The following SNED1 variants were observed in gnomAD, a reference collection of about 807,000 sequenced individuals.
SNED1 encodes sushi, nidogen and EGF like domains 1, also known as sushi, nidogen and EGF-like domain-containing protein 1.
A neutral mutation model predicts 166.7 loss-of-function variants in SNED1; 81 were observed. The observed-to-expected ratio is 0.49, with a 90% CI of 0.41 to 0.58. The LOEUF (loss-of-function observed/expected upper bound fraction) is 0.58. Among genes scored for constraint, SNED1 ranks in the 20% least tolerant of loss-of-function variants. SNED1 has a pLI of 0.00. For synonymous variants in SNED1, 762 were observed against 822.0 expected, an observed-to-expected ratio of 0.93 and a Z score of 1.25; for missense variants, 1,604 against 2,000.2, an observed-to-expected ratio of 0.80 and a Z score of 3.78.
chr2:241,018,711 C>T lies in SNED1; in HGVS notation c.214-11573C>T, dbSNP rs748374797. 5.3e-5 allele frequency among the ~76,000 whole-genome samples: 8 copies of T among 152,188 alleles called. No homozygotes were observed. Among genetic ancestry groups the T allele is most frequent in the Non-Finnish European group, 1.2e-4 (8 of 68,038 alleles). ...TCCCAGGCTGGCACCCACAGACCAC[C>T]GCAGATGAACCCAGCTAGCAGTGCC... On this transcript the variant is annotated intron_variant, in intron 1 of 31. Transcript: ENST00000310397. This position sits in a 1 kb window ranked among gnomAD's most constrained non-coding sequence, Gnocchi z 5.4.
At chr2:241,016,638 G>A (rs1210245091) in intron 1 of SNED1, among the ~76,000 whole-genome samples, 1 of 152,114 alleles carries the variant, frequency 6.6e-6, no homozygotes, top group Non-Finnish European at 1.5e-5. Context: ...TCCAGGTTAT[G>A]GTAGCCTCAT....
Position 241,068,958 on chromosome 2 carries a change from G to T in SNED1, c.3242G>T (p.Ser1081Ile). 1 of 1,556,394 alleles carries T rather than the reference G, an allele frequency of 6.4e-7. No individual in the cohort carries two copies. The highest frequency in any genetic ancestry group is 1.2e-5 in the South Asian group (1 of 84,324). The part of the protein sequence containing the change: ...KRYTIQLTTL[S>I]GLRGEEHPTE... ...TACACCATCCAGCTGACCACCCTCA[G>T]TGGGCTCAGGGGAGAGGAGCACCCC... Residue 1081 changes from serine to isoleucine, a missense_variant, in exon 23 of 32, where the codon AGT (serine) becomes ATT (isoleucine). Physicochemically the swap from Ser to Ile is moderately radical, Grantham distance 142. Around this residue, in one of 2 missense-constraint regions of SNED1, gnomAD observed 1,237 missense variants for 1,620.8 expected, o/e 0.76. Transcript: ENST00000310397. The surrounding 1 kb of genome is among the most constrained non-coding windows in gnomAD (Gnocchi z 5.3).
At chr2:241,036,680 A>C in intron 4 of SNED1, 110 bp from the exon 5 acceptor site, 1 of 1,471,370 alleles carries the variant, frequency 6.8e-7, no homozygotes, top group Non-Finnish European at 9.2e-7. Context: ...CCGGGCACCC[A>C]GAGGCCGACC....
chr2:241,087,470 A>C lies in SNED1; in HGVS notation c.4200A>C (p.Pro1400=). 6.2e-7 allele frequency: 1 copy of C among 1,601,812 alleles called. No homozygotes were observed. The highest frequency in any genetic ancestry group is 8.5e-7 in the Non-Finnish European group (1 of 1,174,108). ...SCESTSLKKT[P]NRKQSKSQTL... ...AAAGCACAAGCCTCAAGAAGACCCC[A>C]AACAGGTGCCTCTGGGGAGCAGGCC... The change falls in exon 30 of 32, where the codon CCA becomes CCC. Residue 1400 remains proline (P), a synonymous_variant. Coordinates refer to ENST00000310397, the MANE Select transcript of SNED1 (RefSeq NM_001080437.3).
intron 21 of SNED1, 84 bp downstream of exon 21, chr2:241,065,679 TCATGCCGTC>T: frequency 8.3e-7 from 1 of 1,200,148 alleles, no homozygotes; most frequent in Non-Finnish European, 1.2e-6. Context: ...AGGGCGGCTG[TCATGCCGTC>T]CACCCTCCTA....
chr2:241,062,335 T>C (rs935589132), intron 16 of SNED1, among the ~76,000 whole-genome samples: 20 of 152,142 alleles, frequency 1.3e-4, no homozygotes, highest in African/African-American at 4.8e-4. Context: ...AATTAAACTT[T>C]AAAAAAATAA....
chr2:241,023,605 AT>A (rs2060834367), intron 1 of SNED1, among the ~76,000 whole-genome samples: 1 of 152,196 alleles, frequency 6.6e-6, no homozygotes, highest in Non-Finnish European at 1.5e-5. Context: ...GAGAAGATAC[AT>A]TGAGTATCCC....
chr2:241,036,779 T>C lies in SNED1; in HGVS notation c.806-11T>C. 6.2e-7 allele frequency: 1 copy of C among 1,606,306 alleles called. No individual in the cohort carries two copies. Among genetic ancestry groups the C allele is most frequent in the South Asian group, 1.1e-5 (1 of 91,030 alleles). On this transcript the variant is annotated splice_polypyrimidine_tract_variant and intron_variant, in intron 4 of 31. Transcript: ENST00000310397. ...AGCGGCTGAGGCTCCAGCCCCTCCC[T>C]ATGTCTGCAGCGTCCGTGTGCCTGG... is the stretch of plus-strand genomic sequence containing the variant.
chr2:241,089,960 A>G (rs2063810344), intron 31 of SNED1: 5 of 1,545,426 alleles, frequency 3.2e-6, no homozygotes, highest in Non-Finnish European at 4.4e-6. Flanking sequence ...AATAGATATA[A>G]AAGATAAAAA....
At chr2:241,012,703 G>A (rs1344904281) in intron 1 of SNED1, among the ~76,000 whole-genome samples, 7 of 152,044 alleles carry the variant, frequency 4.6e-5, no homozygotes, top group Non-Finnish European at 2.9e-5. Context: ...GACCAGAATC[G>A]CATGAATCTA....
At chr2:241,019,836 A>G (rs2060717971) in intron 1 of SNED1, among the ~76,000 whole-genome samples, 1 of 152,196 alleles carries the variant, frequency 6.6e-6, no homozygotes, top group Non-Finnish European at 1.5e-5. Flanking sequence ...GGCAGACCAG[A>G]CCGCAGACTG....
intron 4 of SNED1, among the ~76,000 whole-genome samples, chr2:241,036,139 A>C (rs2061362200): frequency 6.9e-6 from 1 of 143,908 alleles, no homozygotes; most frequent in South Asian, 2.2e-4. Flanking sequence ...TGGGGAGAGC[A>C]CCGCGCGCTC....
chr2:241,077,529 C>T (rs1433880304), intron 27 of SNED1, among the ~76,000 whole-genome samples: 1 of 152,044 alleles, frequency 6.6e-6, no homozygotes, highest in Non-Finnish European at 1.5e-5. Context: ...GATCAGAGAC[C>T]CGCGTCTAAA....
intron 2 of SNED1, among the ~76,000 whole-genome samples, 165 bp downstream of exon 2, chr2:241,030,736 C>A (rs766954773): frequency 3.9e-5 from 6 of 152,188 alleles, no homozygotes; most frequent in Non-Finnish European, 7.3e-5. Context: ...GAAGAGGACA[C>A]GTCCCCAACC....
At chr2:241,042,663 T>C (rs1235920573) in intron 8 of SNED1, among the ~76,000 whole-genome samples, 2 of 152,202 alleles carry the variant, frequency 1.3e-5, no homozygotes, top group Non-Finnish European at 2.9e-5. Flanking sequence ...AAAAACCTAA[T>C]GAGAAGTAGA....
At chr2:241,032,196 C>G (rs1028933155) in intron 2 of SNED1, among the ~76,000 whole-genome samples, 1 of 151,940 alleles carries the variant, frequency 6.6e-6, no homozygotes, top group African/African-American at 2.4e-5. Context: ...CTAAAAATAC[C>G]GAAGTCAGCC....
intron 29 of SNED1, 138 bp downstream of exon 29, chr2:241,082,502 G>A (rs1404288747): frequency 3.0e-5 from 19 of 635,362 alleles, no homozygotes; most frequent in East Asian, 5.2e-5. Flanking sequence ...TTTGACCATC[G>A]ATTCCCTCCA....
At chr2:241,052,820 C>A (rs1204501155) in intron 15 of SNED1, among the ~76,000 whole-genome samples, 1 of 122,880 alleles carries the variant, frequency 8.1e-6, no homozygotes, top group Non-Finnish European at 1.6e-5. Flanking sequence ...AAGCAGGGTA[C>A]ATGGGATGCC....
rs1377052853 is a variant in SNED1 at position 241,069,966 on chromosome 2, C to T, written c.3354C>T (p.Thr1118=). Residue 1118 remains threonine (T), a synonymous_variant, in exon 24 of 32, where the codon ACC becomes ACT. Transcript: ENST00000310397. The surrounding 1 kb of genome is among the most constrained non-coding windows in gnomAD (Gnocchi z 4.9). ...ANLTAARVTA[T]SAHVVWDAPT... is the part of the protein sequence containing the mutation. ...TGACCGCCGCCCGAGTCACTGCCAC[C>T]TCTGCCCACGTGGTCTGGGATGCCC... 6.2e-7 allele frequency: 1 copy of T among 1,612,886 alleles called. No individual in the cohort carries two copies. Among genetic ancestry groups the T allele is most frequent in the Non-Finnish European group, 8.5e-7 (1 of 1,179,890 alleles).
Sources: gnomAD v4.1 joint callset for allele counts (sites outside exome capture counted in the v4.1 genomes callset) on GRCh38, gnomAD v4.1.1 for gene constraint, gnomAD v4.1.1 regional missense constraint, Gnocchi (gnomAD v3.1) non-coding constraint, MANE v1.5 for transcripts, NCBI Gene and HGNC (gene_info 2026-07-23, HGNC 2026-07-21) for gene names.